DAB1: variants seen among roughly 807,000 people sequenced by gnomAD.
The protein encoded by DAB1 is disabled homolog 1.
Under a neutral mutation model 64.6 loss-of-function variants are expected in DAB1, and 15 were observed. The observed-to-expected ratio is 0.23, with a 90% CI of 0.16 to 0.36. The LOEUF (loss-of-function observed/expected upper bound fraction) is 0.36. Among genes scored for constraint, DAB1 ranks in the 10% least tolerant of loss-of-function variants. The probability of loss-of-function intolerance (pLI) is 1.00; values close to 1 mark genes in which losing one functional copy is unlikely to be tolerated. For synonymous variants in DAB1, 235 were observed against 251.9 expected, an observed-to-expected ratio of 0.93 and a Z score of 0.64; for missense variants, 596 against 706.7, an observed-to-expected ratio of 0.84 and a Z score of 1.78.
chr1:57,161,079 T>C (rs1452915864), intron 2 of DAB1, among the ~76,000 whole-genome samples: 1 of 152,092 alleles, frequency 6.6e-6, no homozygotes, highest in African/African-American at 2.4e-5. Context: ...TTTGCTGTAG[T>C]GTCCTACAGC....
At chr1:57,107,265 C>T (rs1655250636) in intron 4 of DAB1, among the ~76,000 whole-genome samples, 1 of 151,664 alleles carries the variant, frequency 6.6e-6, no homozygotes, top group African/African-American at 2.4e-5. Context: ...ATCCCAGCTA[C>T]TTGGGAGGCT....
intron 7 of DAB1, 108 bp from the exon 8 acceptor site, chr1:57,069,533 G>A: frequency 2.3e-6 from 2 of 872,770 alleles, no homozygotes; most frequent in East Asian, 5.0e-5. Context: ...AACGAAGCAG[G>A]CACAAGAGAA....
rs58565138 is a variant in DAB1 at position 57,995,665 on chromosome 1, T to C, written n.388-111503A>G. Among the ~76,000 whole-genome samples, 274 of 152,260 alleles carry C rather than the reference T, an allele frequency of 1.8e-3. 1 individual carries two copies. The highest frequency in any genetic ancestry group is 6.2e-3 in the African/African-American group (259 of 41,542). ...TAATTTTCTCAACGTTAATGGATTA[T>C]TCAAACAAACCTTTACTCACAGCTA... On this transcript the variant is annotated intron_variant and non_coding_transcript_variant, in intron 5 of 20. Coordinates refer to the DAB1 transcript ENST00000485760.
chr1:56,995,207 T>A lies in DAB1; in HGVS notation c.*2937A>T, dbSNP rs1169644564. 1 of 152,162 alleles carries A rather than the reference T, an allele frequency of 6.6e-6. No homozygotes were observed. Among genetic ancestry groups the A allele is most frequent in the African/African-American group, 2.4e-5 (1 of 41,436 alleles). The allele number at this position is 152,162 out of a possible 1,614,324, so 9.4% of individuals were successfully genotyped here. ...GGTGGTGTTTCCCTGGTTTCAAAAT[T>A]TAAAGTGACAAATTTAGTGCTAGTG... is the stretch of plus-strand genomic sequence containing the variant. On this transcript the variant is annotated 3_prime_UTR_variant, in exon 15 of 15. Coordinates refer to ENST00000371236, the MANE Select transcript of DAB1 (RefSeq NM_001365792.1).
At chr1:58,214,774 C>T (rs1368449999) in intron 4 of DAB1, among the ~76,000 whole-genome samples, 2 of 152,178 alleles carry the variant, frequency 1.3e-5, no homozygotes, top group Non-Finnish European at 2.9e-5. Context: ...GATGTTGGAT[C>T]AAGGCTAAGC....
intron 3 of DAB1, among the ~76,000 whole-genome samples, chr1:58,358,487 G>C (rs1286972420): frequency 3.3e-5 from 5 of 152,152 alleles, no homozygotes; most frequent in African/African-American, 1.2e-4. Context: ...TCATCTGAAA[G>C]CAAACAAGTC....
intron 7 of DAB1, among the ~76,000 whole-genome samples, chr1:57,575,573 A>T (rs1217596663): frequency 2.0e-5 from 3 of 152,242 alleles, no homozygotes; most frequent in Admixed American, 6.5e-5. Context: ...GAACAGTTCA[A>T]TGAAAATGAT....
chr1:57,928,719 C>T (rs527494343), intron 5 of DAB1, among the ~76,000 whole-genome samples: 1 of 152,310 alleles, frequency 6.6e-6, no homozygotes, highest in South Asian at 2.1e-4. Context: ...AGCCTTTTCA[C>T]ATTGGCTCAT....
chr1:58,129,723 G>T (rs1270302073), intron 5 of DAB1, among the ~76,000 whole-genome samples: 1 of 150,408 alleles, frequency 6.6e-6, no homozygotes, highest in Non-Finnish European at 1.5e-5. Flanking sequence ...GTACCCAGTA[G>T]TCATTCAGGA....
At chr1:57,664,683 C>A (rs557431114) in intron 6 of DAB1, among the ~76,000 whole-genome samples, 1 of 152,060 alleles carries the variant, frequency 6.6e-6, no homozygotes, top group Admixed American at 6.5e-5. Context: ...ATCCTTATTA[C>A]AGTAAATGTT....
At chr1:57,211,516 G>C (rs1666005457) in intron 2 of DAB1, among the ~76,000 whole-genome samples, 1 of 152,182 alleles carries the variant, frequency 6.6e-6, no homozygotes, top group Non-Finnish European at 1.5e-5. Flanking sequence ...ATCACTTTAA[G>C]GATGGGTGAC....
intron 5 of DAB1, among the ~76,000 whole-genome samples, chr1:57,940,002 G>A (rs763345735): frequency 6.6e-6 from 1 of 152,154 alleles, no homozygotes; most frequent in Non-Finnish European, 1.5e-5. Context: ...ATAAAGGGAG[G>A]GAATATGACT....
At chr1:58,432,609 G>A (rs1644892172) in intron 3 of DAB1, among the ~76,000 whole-genome samples, 1 of 152,160 alleles carries the variant, frequency 6.6e-6, no homozygotes, top group Admixed American at 6.5e-5. Flanking sequence ...AATACAAAAT[G>A]GGAAGTATTT....
At chr1:58,358,754 G>C (rs145160983) in intron 3 of DAB1, among the ~76,000 whole-genome samples, 37 of 152,250 alleles carry the variant, frequency 2.4e-4, no homozygotes, top group South Asian at 4.1e-4. Context: ...CAAATCCTAA[G>C]ATCCCCTTTG....
intron 1 of DAB1, among the ~76,000 whole-genome samples, chr1:57,883,367 C>T (rs193252289): frequency 1.3e-5 from 2 of 152,268 alleles, no homozygotes; most frequent in East Asian, 1.9e-4. Flanking sequence ...AATTCTCCCA[C>T]AAGACAGTTT....
chr1:57,506,141 C>T (rs980998282), intron 7 of DAB1, among the ~76,000 whole-genome samples: 5 of 152,108 alleles, frequency 3.3e-5, no homozygotes, highest in Non-Finnish European at 7.3e-5. Flanking sequence ...TCCTCCTGAG[C>T]CCAGCAGGGC....
rs1006472940 is a variant in DAB1, at chr1:58,005,438, C to T, written n.388-121276G>A. Among the ~76,000 whole-genome samples, 22 of 152,164 alleles carry T rather than the reference C, an allele frequency of 1.4e-4. 1 individual carries two copies. Among genetic ancestry groups the T allele is most frequent in the African/African-American group, 5.3e-4 (22 of 41,524 alleles). On this transcript the variant is annotated intron_variant and non_coding_transcript_variant, in intron 5 of 20. Coordinates refer to the DAB1 transcript ENST00000485760. ...GCTCCTTCCTTTACAGCACTGAGAGCCTCACAAGTGTGTGGCCAGAGGACA... is the reference window on the plus strand; with the variant it reads ...GCTCCTTCCTTTACAGCACTGAGAGTCTCACAAGTGTGTGGCCAGAGGACA...
rs1006005745 is a variant in DAB1, at chr1:58,492,112, A to C, written n.257+13948T>G. 2.7e-4 allele frequency among the ~76,000 whole-genome samples: 41 copies of C among 152,202 alleles called. 1 individual carries two copies. Among genetic ancestry groups the C allele is most frequent in the Non-Finnish European group, 7.3e-5 (5 of 68,042 alleles). On this transcript the variant is annotated intron_variant and non_coding_transcript_variant, in intron 3 of 20. Transcript: ENST00000485760. ...ACTAGAACTCAGGATTAAGAAACCC[A>C]CTCAAAACCACTCAACCACATGGCA...
intron 6 of DAB1, 68 bp downstream of exon 6, chr1:57,071,454 C>T: frequency 6.5e-7 from 1 of 1,549,352 alleles, no homozygotes. Context: ...GAAGGCCTGA[C>T]TGTCAGTTTT....
Sources: gnomAD v4.1 joint callset for allele counts (sites outside exome capture counted in the v4.1 genomes callset) on GRCh38, gnomAD v4.1.1 for gene constraint, MANE v1.5 for transcripts, NCBI Gene and HGNC (gene_info 2026-07-23, HGNC 2026-07-21) for gene names.